Variants in ACSL1 observed in about 807,000 individuals in gnomAD.
ACSL1 encodes acyl-CoA synthetase long chain family member 1, also known as long-chain-fatty-acid--CoA ligase 1.
A neutral mutation model predicts 98.4 loss-of-function variants in ACSL1; 41 were observed. That is an observed-to-expected ratio of 0.42 (90% CI 0.32 to 0.54). The LOEUF (loss-of-function observed/expected upper bound fraction) is 0.54, where lower values mean the gene tolerates loss of function less well. Ranked by LOEUF, ACSL1 falls within the 20% of genes least tolerant of loss-of-function variation. The pLI, the probability that ACSL1 is intolerant of heterozygous loss-of-function variation, is 0.13. For missense variants in ACSL1, 734 were observed against 883.1 expected, an observed-to-expected ratio of 0.83 and a Z score of 2.14; for synonymous variants, 316 against 322.7, an observed-to-expected ratio of 0.98 and a Z score of 0.22.
intron 7 of ACSL1, 151 bp from the exon 8 acceptor site, chr4:184,774,026 G>C: frequency 2.3e-6 from 2 of 868,330 alleles, no homozygotes; most frequent in Non-Finnish European, 3.6e-6. Context: ...AGAAACTATG[G>C]CAGTTTTAAT....
rs768304638 is a variant in ACSL1 at position 184,768,373 on chromosome 4, C to G, written c.1071G>C (p.Val357=). 6.2e-7 allele frequency: 1 copy of G among 1,612,462 alleles called. No individual in the cohort carries two copies. The highest frequency in any genetic ancestry group is 2.2e-5 in the East Asian group (1 of 44,862). The change falls in exon 12 of 21, where the codon GTG becomes GTC. Residue 357 remains valine (V), a synonymous_variant. Transcript: ENST00000281455. ...DIRLLMDDLK[V]LQPTVFPVVP... ...CCACGGGGAAGACAGTGGGTTGAAG[C>G]ACCTTGAGGTCATCCATGAGCAGCC... is the stretch of plus-strand genomic sequence containing the variant.
Position 184,756,945 on chromosome 4 carries a change from G to T in ACSL1, c.*180C>A. 3.0e-6 allele frequency: 2 copies of T among 664,388 alleles called. No homozygotes were observed. The highest frequency in any genetic ancestry group is 4.7e-6 in the Non-Finnish European group (2 of 421,958). 41.2% of individuals were successfully genotyped at this position (664,388 alleles called of 1,614,324 possible). On this transcript the variant is annotated 3_prime_UTR_variant, in exon 21 of 21. Transcript: ENST00000281455. ...ATAAACATGGTCTGCAACATGAGGT[G>T]ACTGTAAGGCAGTGTTCTCTTTCCT...
At chr4:184,815,153 C>A in intron 1 of ACSL1, 1 of 454,934 alleles carries the variant, frequency 2.2e-6, no homozygotes, top group Non-Finnish European at 4.4e-6. Context: ...TACGCATGCA[C>A]CAGGCATCCG....
Position 184,796,497 on chromosome 4 carries a change from G to C in ACSL1, c.195+6823C>G, listed in dbSNP as rs181991532. ...AACGTCAGCAAAGTTGCTAGGGGTAGAATTAAAAGGGGAAATCTTTGCTCC... is the reference window on the plus strand; with the variant it reads ...AACGTCAGCAAAGTTGCTAGGGGTACAATTAAAAGGGGAAATCTTTGCTCC... On this transcript the variant is annotated intron_variant, in intron 2 of 20. Transcript: ENST00000281455. Among the ~76,000 whole-genome samples, 6 of 152,328 alleles carry C rather than the reference G, an allele frequency of 3.9e-5. No individual in the cohort carries two copies. In the East Asian group the frequency reaches 9.6e-4, roughly 24 times the overall value.
At chr4:184,822,808 G>A (rs977160424) in intron 1 of ACSL1, among the ~76,000 whole-genome samples, 1 of 152,064 alleles carries the variant, frequency 6.6e-6, no homozygotes, top group African/African-American at 2.4e-5. Context: ...CAGATTATGT[G>A]ATAGTTTTCT....
chr4:184,784,840 T>C (rs564945452), intron 3 of ACSL1, among the ~76,000 whole-genome samples: 1 of 152,286 alleles, frequency 6.6e-6, no homozygotes, highest in South Asian at 2.1e-4. Context: ...ACACACTGAC[T>C]TCTTTGCCAT....
chr4:184,808,108 T>C (rs943009261), intron 1 of ACSL1, among the ~76,000 whole-genome samples: 2 of 152,198 alleles, frequency 1.3e-5, no homozygotes, highest in Non-Finnish European at 2.9e-5. Context: ...TCTGAACACG[T>C]GGTGAGTTCA....
upstream of ACSL1, chr4:184,826,177 G>C (rs1426135058): frequency 2.0e-5 from 3 of 149,430 alleles, no homozygotes; most frequent in African/African-American, 7.3e-5. Flanking sequence ...CCTCCTGTCT[G>C]GGCGCGCGTG....
intron 2 of ACSL1, among the ~76,000 whole-genome samples, chr4:184,800,052 T>C (rs1770202724): frequency 6.6e-6 from 1 of 152,200 alleles, no homozygotes; most frequent in African/African-American, 2.4e-5. Context: ...CTGTATGATA[T>C]AATTTTACCT....
At chr4:184,775,067 C>T (rs1158394319) in intron 7 of ACSL1, among the ~76,000 whole-genome samples, 30 of 152,192 alleles carry the variant, frequency 2.0e-4, no homozygotes, top group Admixed American at 2.0e-3. Context: ...TGGGAACAAA[C>T]ATTATCCAAA....
At chr4:184,768,104 A>G (rs890053569) in intron 12 of ACSL1, 5 of 517,550 alleles carry the variant, frequency 9.7e-6, no homozygotes, top group Non-Finnish European at 1.7e-5. Context: ...CATGGTTTAC[A>G]AAGTGTGTTC....
Position 184,757,807 on chromosome 4 carries a change from T to G in ACSL1, c.1884+12A>C, listed in dbSNP as rs758001612. On this transcript the variant is annotated intron_variant, in intron 19 of 20. Coordinates refer to ENST00000281455, the MANE Select transcript of ACSL1 (RefSeq NM_001995.5). The surrounding 1 kb of genome is among the most constrained non-coding windows in gnomAD (Gnocchi z 4.5). ...TTATGATGAGGACAGACTGGACCCT[T>G]CAGAACCTTACCTTATTTCTGCACA... 1 of 1,613,898 alleles carries G rather than the reference T, an allele frequency of 6.2e-7. No homozygotes were observed. Among genetic ancestry groups the G allele is most frequent in the Non-Finnish European group, 8.5e-7 (1 of 1,179,810 alleles).
At chr4:184,821,145 A>G in intron 1 of ACSL1, 1 of 456,128 alleles carries the variant, frequency 2.2e-6, no homozygotes, top group Non-Finnish European at 4.4e-6. Context: ...TGCTCTCATC[A>G]CTGCTCTGTT....
chr4:184,756,491 C>A lies in ACSL1; in HGVS notation c.*634G>T, dbSNP rs1339123103. 6.5e-6 allele frequency: 1 copy of A among 152,676 alleles called. No homozygotes were observed. Among genetic ancestry groups the A allele is most frequent in the East Asian group, 1.9e-4 (1 of 5,206 alleles). 9.5% of individuals were successfully genotyped at this position (152,676 alleles called of 1,614,324 possible). A position where few individuals can be genotyped will look rare whatever the true frequency, so the allele number is the denominator to read the frequency against. On this transcript the variant is annotated 3_prime_UTR_variant, in exon 21 of 21. Coordinates refer to ENST00000281455, the MANE Select transcript of ACSL1 (RefSeq NM_001995.5). ...TTATCTGCATGGTTCTGAGTTGGAT[C>A]TGCCCTCCCGCTTACTGGAAACCTT...
intron 3 of ACSL1, among the ~76,000 whole-genome samples, chr4:184,787,868 A>G (rs1342421832): frequency 9.2e-5 from 1 of 10,812 alleles, no homozygotes; most frequent in Non-Finnish European, 7.0e-4. Flanking sequence ...CCGTCCAAAG[A>G]AAAAAAAAAG....
At chr4:184,765,448 A>G (rs1461595368) in intron 14 of ACSL1, among the ~76,000 whole-genome samples, 1 of 152,228 alleles carries the variant, frequency 6.6e-6, no homozygotes, top group Non-Finnish European at 1.5e-5. Flanking sequence ...AAGCAACCTA[A>G]TAATAACATA....
intron 7 of ACSL1, among the ~76,000 whole-genome samples, chr4:184,775,088 G>A (rs1345210637): frequency 1.3e-5 from 2 of 152,126 alleles, no homozygotes; most frequent in African/African-American, 2.4e-5. Flanking sequence ...TTAGTGCACT[G>A]TTGCCGCAAA....
rs111579728 is a variant in ACSL1 at position 184,781,460 on chromosome 4, T to C, written c.376-1027A>G. 4.6e-3 allele frequency among the ~76,000 whole-genome samples: 701 copies of C among 152,174 alleles called. 7 individuals are homozygous for C. Among genetic ancestry groups the C allele is most frequent in the African/African-American group, 0.016 (673 of 41,512 alleles). ...ACACATGTAAATATAAAAATGCATA[T>C]TATAATAACTAAGTAAAAATTGATA... On this transcript the variant is annotated intron_variant, in intron 4 of 20. Transcript: ENST00000281455.
chr4:184,809,371 G>C (rs191197337), intron 1 of ACSL1, among the ~76,000 whole-genome samples: 1 of 152,038 alleles, frequency 6.6e-6, no homozygotes, highest in Non-Finnish European at 1.5e-5. Context: ...ACAATATGTC[G>C]AATTTGAACA....
Sources: gnomAD v4.1 joint callset for allele counts (sites outside exome capture counted in the v4.1 genomes callset) on GRCh38, gnomAD v4.1.1 for gene constraint, Gnocchi (gnomAD v3.1) non-coding constraint, MANE v1.5 for transcripts, NCBI Gene and HGNC (gene_info 2026-07-23, HGNC 2026-07-21) for gene names.